B4GALT1: variants seen among roughly 807,000 people sequenced by gnomAD.
B4GALT1 encodes the protein N-acetyllactosamine synthase.
A neutral mutation model predicts 34.9 loss-of-function variants in B4GALT1; 16 were observed. That is an observed-to-expected ratio of 0.46 (90% CI 0.31 to 0.70). B4GALT1 has a LOEUF of 0.70. B4GALT1 is among the 30% of genes least tolerant of loss of function. The probability of loss-of-function intolerance (pLI) is 0.05; values close to 1 mark genes in which losing one functional copy is unlikely to be tolerated. For missense variants in B4GALT1, 445 were observed against 530.5 expected (o/e 0.84, Z 1.58); for synonymous variants, 221 against 218.1 (o/e 1.01, Z -0.12).
At chr9:33,171,545 C>T (rs982270236), upstream of B4GALT1, among the ~76,000 whole-genome samples, 1 of 152,070 alleles carries the variant, frequency 6.6e-6, no homozygotes, top group Non-Finnish European at 1.5e-5. Context: ...ATAAAACTGG[C>T]TCGGCCTCTT....
the B4GALT1 span, among the ~76,000 whole-genome samples, chr9:33,180,672 C>T: frequency 2.1e-4 from 32 of 152,290 alleles, no homozygotes; most frequent in East Asian, 4.4e-3. Context: ...TGCCTCTTAG[C>T]GTCACTCCTA....
chr9:33,109,604 G>C (rs552848694), downstream of B4GALT1, among the ~76,000 whole-genome samples: 250 of 152,300 alleles, frequency 1.6e-3, 1 homozygote, highest in African/African-American at 5.7e-3. Context: ...GGAGTTTCAG[G>C]CCAGCCTGGG....
chr9:33,115,200 A>G (rs923778209), intron 4 of B4GALT1, among the ~76,000 whole-genome samples: 3 of 152,236 alleles, frequency 2.0e-5, no homozygotes, highest in African/African-American at 7.2e-5. Flanking sequence ...CACAATGGTA[A>G]CTTGAATGAC....
intron 2 of B4GALT1, among the ~76,000 whole-genome samples, chr9:33,123,478 A>T (rs973328364): frequency 6.6e-6 from 1 of 151,976 alleles, no homozygotes; most frequent in Admixed American, 6.6e-5. Flanking sequence ...CCAGACTTAC[A>T]CTGTCAAACA....
Position 33,110,681 on chromosome 9 carries a change from A to C in B4GALT1, c.*2773T>G, listed in dbSNP as rs1456718434. The C allele has an allele frequency of 1.3e-5, 2 of 152,206 alleles. No individual in the cohort carries two copies. Among genetic ancestry groups the C allele is most frequent in the East Asian group, 3.8e-4 (2 of 5,200 alleles). The allele number at this position is 152,206 out of a possible 1,614,324, so 9.4% of individuals were successfully genotyped here. ...TCATTTATTCACGTTATATTATTTA[A>C]TTTTAAAGGCAAAAATACAGTTCTG... On this transcript the variant is annotated 3_prime_UTR_variant, in exon 6 of 6. Coordinates refer to ENST00000379731, the MANE Select transcript of B4GALT1 (RefSeq NM_001497.4).
chr9:33,107,475 C>T (rs1272778109), downstream of B4GALT1, among the ~76,000 whole-genome samples: 10 of 152,120 alleles, frequency 6.6e-5, no homozygotes, highest in Admixed American at 6.5e-4. Context: ...GCAAACATGT[C>T]TCGCCCAGGG....
upstream of B4GALT1, among the ~76,000 whole-genome samples, chr9:33,170,205 C>T (rs1024999127): frequency 1.3e-5 from 2 of 149,832 alleles, no homozygotes; most frequent in South Asian, 2.1e-4. Flanking sequence ...CTTTTGACCT[C>T]GTGATCTGCC....
chr9:33,122,233 C>A (rs1282714234), intron 2 of B4GALT1, among the ~76,000 whole-genome samples: 1 of 152,074 alleles, frequency 6.6e-6, no homozygotes, highest in Non-Finnish European at 1.5e-5. Context: ...CAAAAGATGA[C>A]CTGGGCTGGG....
At chr9:33,162,458 G>A (rs1478081527) in intron 1 of B4GALT1, among the ~76,000 whole-genome samples, 3 of 152,174 alleles carry the variant, frequency 2.0e-5, no homozygotes, top group African/African-American at 7.2e-5. Flanking sequence ...GAACACTGCT[G>A]GAACTGAAGG....
In B4GALT1 at chr9:33,166,742, C is replaced by A. The variant is rs1840761763; in HGVS notation, c.412+16G>T. On this transcript the variant is annotated intron_variant, in intron 1 of 5. Coordinates refer to ENST00000379731, the MANE Select transcript of B4GALT1 (RefSeq NM_001497.4). ...GGGGTCCCAATCCTCCGACTGGCGC[C>A]GACCCGAGTCCTTACCAAGCAGCGG... The A allele has an allele frequency of 6.7e-7, 1 of 1,495,850 alleles. No homozygotes were observed. The allele number at this position is 1,495,850 out of a possible 1,614,324, so 92.7% of individuals were successfully genotyped here. A position where few individuals can be genotyped will look rare whatever the true frequency, so the allele number is the denominator to read the frequency against.
chr9:33,173,981 G>A, the B4GALT1 span, among the ~76,000 whole-genome samples: 1 of 152,052 alleles, frequency 6.6e-6, no homozygotes, highest in Non-Finnish European at 1.5e-5. Context: ...ATAAATAAAT[G>A]GAATTTGATG....
chr9:33,131,855 T>G (rs1840197832), intron 2 of B4GALT1, among the ~76,000 whole-genome samples: 1 of 152,250 alleles, frequency 6.6e-6, no homozygotes, highest in Admixed American at 6.5e-5. Context: ...ACCTCTTTTT[T>G]TTCAGGGTTC....
exon 3 of B4GALT1, chr9:33,104,472 A>G (rs1413719547): frequency 4.7e-6 from 1 of 212,542 alleles, no homozygotes; most frequent in Non-Finnish European, 9.6e-6. Flanking sequence ...CCACCTGGCA[A>G]AAGGACGGTT....
At chr9:33,180,622 ATGC>A in the B4GALT1 span, among the ~76,000 whole-genome samples, 1 of 152,180 alleles carries the variant, frequency 6.6e-6, no homozygotes, top group African/African-American at 2.4e-5. Flanking sequence ...AGGACCGTTC[ATGC>A]TGCTGCTGCC....
At chr9:33,167,615 C>G (rs998062063), upstream of B4GALT1, among the ~76,000 whole-genome samples, 1 of 152,238 alleles carries the variant, frequency 6.6e-6, no homozygotes, top group East Asian at 1.9e-4. Context: ...AGCCGCGCCT[C>G]CTCTTCCTCC....
rs138922397 is a variant in B4GALT1 at position 33,120,479 on chromosome 9, G to A, written c.776C>T (p.Ala259Val). 8.1e-6 allele frequency: 13 copies of A among 1,614,070 alleles called. No individual in the cohort carries two copies. The highest frequency in any genetic ancestry group is 8.5e-6 in the Non-Finnish European group (10 of 1,180,030). The change falls in exon 3 of 6, where the codon GCG becomes GTG. Residue 259 changes from alanine to valine, a missense_variant. This residue lies in a region of B4GALT1 where 349 missense variants were observed against 395.5 expected (regional missense o/e 0.88). Coordinates refer to ENST00000379731, the MANE Select transcript of B4GALT1 (RefSeq NM_001497.4). ...VDLIPMNDHN[A>V]YRCFSQPRHI... Reference sequence around the variant, plus strand: ...CCGTGGCTGTGAAAAACACCTGTACGCATTATGGTCATTCATTGGAATGAG... The same window carrying A: ...CCGTGGCTGTGAAAAACACCTGTACACATTATGGTCATTCATTGGAATGAG...
At chr9:33,173,416 CAAA>C in the B4GALT1 span, among the ~76,000 whole-genome samples, 1 of 101,218 alleles carries the variant, frequency 9.9e-6, no homozygotes, top group African/African-American at 3.7e-5. Flanking sequence ...AAAAAAAAAG[CAAA>C]AAAAAAAAAA....
upstream of B4GALT1, among the ~76,000 whole-genome samples, chr9:33,170,105 G>T (rs1386297955): frequency 6.6e-6 from 1 of 151,700 alleles, no homozygotes; most frequent in African/African-American, 2.4e-5. Context: ...AAGTAGCTGG[G>T]ACTACAGGTG....
chr9:33,117,642 A>C lies in B4GALT1; in HGVS notation c.837-1529T>G, dbSNP rs1041241955. The stretch of plus-strand genomic sequence containing the variant: ...GGAAGTCAGCCAAACCATACAGAAC[A>C]TATGAAAATAAAGATGCAATTATTA... On this transcript the variant is annotated intron_variant, in intron 3 of 5. Transcript: ENST00000379731. Among the ~76,000 whole-genome samples, 4 of 152,244 alleles carry C rather than the reference A, an allele frequency of 2.6e-5. No homozygotes were observed. The East Asian group carries it at 7.7e-4, about 29-fold the overall frequency.
Sources: allele counts gnomAD v4.1 joint callset (sites outside exome capture counted in the v4.1 genomes callset), GRCh38; gene constraint gnomAD v4.1.1; regional missense constraint gnomAD v4.1.1; transcripts MANE v1.5; gene names NCBI Gene and HGNC (gene_info 2026-07-23, HGNC 2026-07-21).